Variants in ZNF831 observed in about 807,000 individuals in gnomAD.
The protein encoded by ZNF831 is zinc finger protein 831.
A neutral mutation model predicts 95.8 loss-of-function variants in ZNF831; 59 were observed. The ratio of observed to expected loss-of-function variants is 0.62; its 90% CI spans 0.50 to 0.77. ZNF831 has a LOEUF of 0.77. ZNF831 is among the 30% of genes least tolerant of loss of function. The probability of loss-of-function intolerance (pLI) is 0.00; values close to 1 mark genes in which losing one functional copy is unlikely to be tolerated. For missense variants in ZNF831, 2,205 were observed against 2,164.0 expected, an observed-to-expected ratio of 1.02 and a Z score of -0.38; for synonymous variants, 961 against 925.5, an observed-to-expected ratio of 1.04 and a Z score of -0.70.
At chr20:59,184,185 T>A (rs977351965) in intron 1 of ZNF831, among the ~76,000 whole-genome samples, 9 of 152,224 alleles carry the variant, frequency 5.9e-5, no homozygotes, top group African/African-American at 2.2e-4. Context: ...TTCCTCTCTG[T>A]CTTTCTGTGG....
chr20:59,253,754 G>T, intron 5 of ZNF831, 144 bp from the exon 6 acceptor site: 1 of 856,238 alleles, frequency 1.2e-6, no homozygotes. Context: ...CTTATTGAGG[G>T]CGTCATATTG....
chr20:59,226,265 C>T (rs1986424855), intron 4 of ZNF831, among the ~76,000 whole-genome samples: 1 of 152,168 alleles, frequency 6.6e-6, no homozygotes, highest in Non-Finnish European at 1.5e-5. Context: ...TGACCTGCTT[C>T]CTAATGGGTA....
In ZNF831 at chr20:59,194,634, G is replaced by A. The variant is rs762928670; in HGVS notation, c.3615G>A (p.Val1205=). 1.7e-5 allele frequency: 28 copies of A among 1,613,588 alleles called. No individual in the cohort carries two copies. The highest frequency in any genetic ancestry group is 2.3e-5 in the Non-Finnish European group (27 of 1,179,874). The change falls in exon 2 of 6, where the codon GTG becomes GTA. Residue 1205 remains valine, a synonymous_variant. Coordinates refer to ENST00000371030, the MANE Select transcript of ZNF831 (RefSeq NM_178457.3). ...AGCAGAAGGCAAAGGCGGCATCTGT[G>A]TACTTGGCGGTGCACTTTCCTGGTA... ...PAEQKAKAAS[V]YLAVHFPGSS...
At chr20:59,198,314 T>C (rs1984273093) in intron 3 of ZNF831, among the ~76,000 whole-genome samples, 1 of 152,336 alleles carries the variant, frequency 6.6e-6, no homozygotes, top group Non-Finnish European at 1.5e-5. Flanking sequence ...AGATTTCTCA[T>C]AAAAATCTGG....
chr20:59,192,173 T>C lies in ZNF831; in HGVS notation c.1154T>C (p.Val385Ala), dbSNP rs2146560997. Residue 385 changes from valine (V) to alanine (A), a missense_variant, in exon 2 of 6, where the codon GTC (valine) becomes GCC (alanine). Coordinates refer to ENST00000371030, the MANE Select transcript of ZNF831 (RefSeq NM_178457.3). The surrounding 1 kb of genome is among the most constrained non-coding windows in gnomAD (Gnocchi z 5.2). Reference protein sequence around the residue: ...GEGGPGPGPGVAGAEPGAREA... With the variant: ...GEGGPGPGPGAAGAEPGAREA... ...GGCGGCCCGGGCCCGGGGCCAGGGGTCGCAGGGGCCGAGCCCGGGGCGCGA... is the reference window on the plus strand; with the variant it reads ...GGCGGCCCGGGCCCGGGGCCAGGGGCCGCAGGGGCCGAGCCCGGGGCGCGA... The C allele has an allele frequency of 6.4e-7, 1 of 1,558,870 alleles. No homozygotes were observed. The highest frequency in any genetic ancestry group is 8.6e-7 in the Non-Finnish European group (1 of 1,157,670).
chr20:59,195,343 G>A (rs565837817), intron 2 of ZNF831, among the ~76,000 whole-genome samples: 1 of 152,350 alleles, frequency 6.6e-6, no homozygotes, highest in Non-Finnish European at 1.5e-5. Context: ...TGATGACTGA[G>A]GGCTTAGTCC....
At chr20:59,165,599 G>C (rs1012394229) in intron 1 of ZNF831, among the ~76,000 whole-genome samples, 2 of 152,160 alleles carry the variant, frequency 1.3e-5, no homozygotes, top group Admixed American at 1.3e-4. Context: ...GGCATGGCAG[G>C]GAAGGCTGAG....
At chr20:59,242,172 T>C (rs1006825793) in intron 4 of ZNF831, among the ~76,000 whole-genome samples, 4 of 152,134 alleles carry the variant, frequency 2.6e-5, no homozygotes, top group Admixed American at 6.5e-5. Flanking sequence ...AGCCCATTTT[T>C]CCCCCCTCAG....
chr20:59,131,027 A>G (rs566085282), intron 1 of ZNF831, among the ~76,000 whole-genome samples: 3 of 152,150 alleles, frequency 2.0e-5, no homozygotes, highest in South Asian at 2.1e-4. Flanking sequence ...TAAACATGAG[A>G]TGTGTCTCGC....
At chr20:59,227,109 T>C (rs878939813) in intron 4 of ZNF831, among the ~76,000 whole-genome samples, 1 of 152,190 alleles carries the variant, frequency 6.6e-6, no homozygotes, top group Admixed American at 6.5e-5. Context: ...ATGACTAAAT[T>C]TGTGTTAAAG....
intron 1 of ZNF831, among the ~76,000 whole-genome samples, chr20:59,137,926 C>CTAAG (rs1232281530): frequency 6.6e-6 from 1 of 152,180 alleles, no homozygotes; most frequent in Non-Finnish European, 1.5e-5. Context: ...GAGAAAATTG[C>CTAAG]TAAGTTCCTT....
chr20:59,227,579 A>T (rs202135987), intron 4 of ZNF831, among the ~76,000 whole-genome samples: 2 of 152,262 alleles, frequency 1.3e-5, no homozygotes, highest in African/African-American at 4.8e-5. Flanking sequence ...GAGCAACTCT[A>T]TCTTCTCATG....
At chr20:59,204,867 G>A (rs948286525) in intron 3 of ZNF831, among the ~76,000 whole-genome samples, 2 of 152,238 alleles carry the variant, frequency 1.3e-5, no homozygotes, top group Admixed American at 1.3e-4. Context: ...TCTCCAGGAG[G>A]GGCTGCACAC....
At chr20:59,130,802 A>G (rs768800189) in intron 1 of ZNF831, among the ~76,000 whole-genome samples, 17 of 151,704 alleles carry the variant, frequency 1.1e-4, no homozygotes, top group Non-Finnish European at 1.3e-4. Context: ...AGTTGGGGAC[A>G]GTTTTCTAGC....
At chr20:59,214,428 T>C (rs1352631727) in intron 4 of ZNF831, among the ~76,000 whole-genome samples, 3 of 152,210 alleles carry the variant, frequency 2.0e-5, no homozygotes, top group African/African-American at 7.2e-5. Context: ...TGGAATGCCT[T>C]TCTTACTCTA....
At chr20:59,153,419 G>A (rs1347679500) in intron 2 of ZNF831, among the ~76,000 whole-genome samples, 3 of 152,222 alleles carry the variant, frequency 2.0e-5, no homozygotes, top group Admixed American at 2.0e-4. Context: ...TCCTGGGACA[G>A]CCTCCCCCTG....
chr20:59,188,571 C>T (rs11907991), intron 1 of ZNF831, among the ~76,000 whole-genome samples: 5,491 of 151,928 alleles, frequency 0.036, 354 homozygotes, highest in African/African-American at 0.13. Context: ...GCATGAGAAT[C>T]GCTTGAACAC....
At chr20:59,124,498 T>C (rs1460530153) in intron 1 of ZNF831, among the ~76,000 whole-genome samples, 1 of 152,224 alleles carries the variant, frequency 6.6e-6, no homozygotes, top group African/African-American at 2.4e-5. Context: ...CATGATTAGC[T>C]GTTGATCTGG....
chr20:59,137,263 T>C (rs1277853828), intron 1 of ZNF831, among the ~76,000 whole-genome samples: 1 of 131,842 alleles, frequency 7.6e-6, no homozygotes, highest in East Asian at 2.3e-4. Context: ...ATGCCTTTAA[T>C]ATGCTTCCAA....
Sources: gnomAD v4.1 joint callset for allele counts (sites outside exome capture counted in the v4.1 genomes callset) on GRCh38, gnomAD v4.1.1 for gene constraint, Gnocchi (gnomAD v3.1) non-coding constraint, MANE v1.5 for transcripts, NCBI Gene and HGNC (gene_info 2026-07-23, HGNC 2026-07-21) for gene names.